YTHDC1: variants seen among roughly 807,000 people sequenced by gnomAD.
The protein encoded by YTHDC1 is YTH N6-methyladenosine RNA binding protein C1.
Under a neutral mutation model 107.0 loss-of-function variants are expected in YTHDC1, and 12 were observed. The observed-to-expected ratio is 0.11, with a 90% confidence interval of 0.07 to 0.18. The LOEUF is 0.18. Among genes scored for constraint, YTHDC1 ranks in the 10% least tolerant of loss-of-function variants. The pLI is 1.00. For missense variants in YTHDC1, 635 were observed against 898.8 expected, an observed-to-expected ratio of 0.71 and a Z score of 3.75; for synonymous variants, 280 against 289.5, an observed-to-expected ratio of 0.97 and a Z score of 0.33.
intron 1 of YTHDC1, 45 bp downstream of exon 1, chr4:68,349,681 C>A: frequency 7.0e-7 from 1 of 1,425,428 alleles, no homozygotes; most frequent in Non-Finnish European, 9.4e-7. Context: ...ACCCCACTCC[C>A]GGGCCCCAGC....
intron 10 of YTHDC1, among the ~76,000 whole-genome samples, chr4:68,323,311 GAA>G (rs1722635489): frequency 1.3e-5 from 2 of 152,156 alleles, no homozygotes; most frequent in Admixed American, 6.5e-5. Flanking sequence ...TAAGTGTATT[GAA>G]ATACATTAGA....
Position 68,337,772 on chromosome 4 carries a change from T to C in YTHDC1, c.259A>G (p.Thr87Ala). The part of the protein sequence containing the change: ...SVSNNKRIVS[T>A]KGKSATEYKN... ...TACTCTGTGGCTGACTTTCCTTTTG[T>C]ACTAACTATTCTTTTGTTATTGCTA... Residue 87 changes from threonine to alanine, a missense_variant, in exon 3 of 17, where the codon ACA (threonine) becomes GCA (alanine). Around this residue, in one of 5 missense-constraint regions of YTHDC1, gnomAD observed 294 missense variants for 312.3 expected, o/e 0.94. Coordinates refer to ENST00000344157, the MANE Select transcript of YTHDC1 (RefSeq NM_001031732.4). 6.2e-7 allele frequency: 1 copy of C among 1,614,178 alleles called. No individual in the cohort carries two copies.
intron 15 of YTHDC1, among the ~76,000 whole-genome samples, chr4:68,317,740 A>C (rs1342916535): frequency 6.6e-6 from 1 of 152,232 alleles, no homozygotes; most frequent in Admixed American, 6.5e-5. Context: ...ACACTACTAC[A>C]TTAAATTTTA....
At chr4:68,331,910 A>T (rs1253413979) in intron 7 of YTHDC1, among the ~76,000 whole-genome samples, 193 bp downstream of exon 7, 2 of 94,066 alleles carry the variant, frequency 2.1e-5, no homozygotes, top group Non-Finnish European at 2.7e-5. Context: ...AATCATCTTA[A>T]AAAAAAAAAA....
chr4:68,330,425 T>C (rs76779634), intron 7 of YTHDC1, 115 bp from the exon 8 acceptor site: 9,367 of 603,186 alleles, frequency 0.016, 600 homozygotes, highest in African/African-American at 0.15. Flanking sequence ...AAGTAAGCTA[T>C]AATGAAGAAA....
rs528731586 is a variant in YTHDC1, at chr4:68,350,016, G to A, written c.-263C>T. On this transcript the variant is annotated 5_prime_UTR_variant, in exon 1 of 17. Coordinates refer to ENST00000344157, the MANE Select transcript of YTHDC1 (RefSeq NM_001031732.4). ...CTCGGGCTAGGTATGGGGGAGGGAAGGGAAACAGATGGCGACGGCGGGCGG... is the reference window on the plus strand; with the variant it reads ...CTCGGGCTAGGTATGGGGGAGGGAAAGGAAACAGATGGCGACGGCGGGCGG... 1.4e-4 allele frequency: 81 copies of A among 567,626 alleles called. No homozygotes were observed. Among genetic ancestry groups the A allele is most frequent in the Admixed American group, 5.1e-4 (16 of 31,566 alleles). 35.2% of individuals were successfully genotyped at this position (567,626 alleles called of 1,614,324 possible).
At chr4:68,341,862 G>A (rs1724837963) in intron 1 of YTHDC1, among the ~76,000 whole-genome samples, 1 of 152,104 alleles carries the variant, frequency 6.6e-6, no homozygotes, top group Admixed American at 6.5e-5. Context: ...CTGATAAGAG[G>A]CACTTAAAAA....
intron 1 of YTHDC1, among the ~76,000 whole-genome samples, chr4:68,340,711 T>C (rs1724715750): frequency 6.6e-6 from 1 of 151,988 alleles, no homozygotes; most frequent in South Asian, 2.1e-4. Context: ...ATTTCAAGAC[T>C]ATCACAATGA....
rs1560495823 is a variant in YTHDC1, at chr4:68,337,169, TTCTTCCTCCTCCTCCTCCTCC to T, written c.720_740del (p.Glu243_Glu249del). 22 of 1,612,854 alleles carry T rather than the reference TTCTTCCTCCTCCTCCTCCTCC, an allele frequency of 1.4e-5. No individual in the cohort carries two copies. Among genetic ancestry groups the T allele is most frequent in the Non-Finnish European group, 1.8e-5 (21 of 1,179,060 alleles). ...CTCTCTCATCCTGTTCATATTCTTC[TTCTTCCTCCTCCTCCTCCTCC>T]TCTTCCTCCTCCTCCTCTTCCTCCT... On this transcript the variant is annotated inframe_deletion, in exon 4 of 17. Coordinates refer to ENST00000344157, the MANE Select transcript of YTHDC1 (RefSeq NM_001031732.4).
intron 7 of YTHDC1, among the ~76,000 whole-genome samples, chr4:68,331,728 A>C (rs1356003934): frequency 6.6e-6 from 1 of 152,058 alleles, no homozygotes; most frequent in East Asian, 1.9e-4. Flanking sequence ...TCAAAGTGTA[A>C]ATCAAGCATC....
Position 68,315,413 on chromosome 4 carries a change from A to C in YTHDC1, c.1959+901T>G, listed in dbSNP as rs563713090. ...ATTCTCACAAATAGGCCCACTCTTC[A>C]TCTTAAGTGGGAAAATAAAAAGATG... On this transcript the variant is annotated intron_variant, in intron 16 of 16. Transcript: ENST00000344157. Among the ~76,000 whole-genome samples the C allele has an allele frequency of 2.2e-4, 33 of 152,326 alleles. 3 individuals are homozygous for C. The South Asian group carries it at 6.6e-3, about 31-fold the overall frequency.
chr4:68,342,763 A>C (rs1452382149), intron 1 of YTHDC1, among the ~76,000 whole-genome samples: 2 of 152,234 alleles, frequency 1.3e-5, no homozygotes, highest in African/African-American at 2.4e-5. Flanking sequence ...AATGAATTAT[A>C]AAAGAAGAAA....
chr4:68,331,595 C>T (rs1451462416), intron 7 of YTHDC1, among the ~76,000 whole-genome samples: 1 of 152,088 alleles, frequency 6.6e-6, no homozygotes, highest in Non-Finnish European at 1.5e-5. Context: ...CCTACAGCAA[C>T]TATGCATATC....
intron 5 of YTHDC1, 127 bp downstream of exon 5, chr4:68,333,181 A>T: frequency 1.5e-6 from 1 of 689,472 alleles, no homozygotes; most frequent in Non-Finnish European, 2.5e-6. Flanking sequence ...TAGAATTATT[A>T]CACTGAACAT....
chr4:68,324,115 A>T, intron 10 of YTHDC1, 24 bp downstream of exon 10: 1 of 1,590,972 alleles, frequency 6.3e-7, no homozygotes, highest in Non-Finnish European at 8.6e-7. Context: ...GTGTTTTTTT[A>T]AAGAATCAAT....
chr4:68,348,556 A>G (rs1725704949), intron 1 of YTHDC1, among the ~76,000 whole-genome samples: 4 of 152,100 alleles, frequency 2.6e-5, no homozygotes, highest in Admixed American at 2.6e-4. Context: ...TAACCTAATC[A>G]AAGAACTACT....
At chr4:68,345,171 A>C (rs975075296) in intron 1 of YTHDC1, among the ~76,000 whole-genome samples, 3 of 152,154 alleles carry the variant, frequency 2.0e-5, no homozygotes, top group African/African-American at 7.2e-5. Flanking sequence ...AATTTACCAT[A>C]ATCTTTACAT....
chr4:68,347,415 A>G (rs1328338609), intron 1 of YTHDC1, among the ~76,000 whole-genome samples: 1 of 152,216 alleles, frequency 6.6e-6, no homozygotes, highest in East Asian at 1.9e-4. Context: ...TTATCACCAC[A>G]GGAATCACAG....
chr4:68,327,915 T>C (rs957226252), intron 9 of YTHDC1, among the ~76,000 whole-genome samples: 5 of 152,310 alleles, frequency 3.3e-5, no homozygotes, highest in African/African-American at 1.2e-4. Flanking sequence ...AGTTTTATTA[T>C]GTAAAAATAC....
Sources: gnomAD v4.1 joint callset for allele counts (sites outside exome capture counted in the v4.1 genomes callset) on GRCh38, gnomAD v4.1.1 for gene constraint, gnomAD v4.1.1 regional missense constraint, MANE v1.5 for transcripts, NCBI Gene and HGNC (gene_info 2026-07-23, HGNC 2026-07-21) for gene names.